Variants in PARG observed in about 807,000 individuals in gnomAD.
PARG encodes mitochondrial poly(ADP-ribose) glycohydrolase.
Under a neutral mutation model 113.0 loss-of-function variants are expected in PARG, and 35 were observed. The observed-to-expected ratio is 0.31, with a 90% CI of 0.24 to 0.41. The LOEUF (loss-of-function observed/expected upper bound fraction) is 0.41, where lower values mean the gene tolerates loss of function less well. Among genes scored for constraint, PARG ranks in the 10% least tolerant of loss-of-function variants. PARG has a pLI of 1.00. For synonymous variants in PARG, 330 were observed against 409.9 expected (o/e 0.81, Z 2.36); for missense variants, 797 against 1,169.4 (o/e 0.68, Z 4.64).
intron 7 of PARG, among the ~76,000 whole-genome samples, chr10:49,901,179 T>C (rs1407708410): frequency 1.3e-5 from 2 of 151,064 alleles, no homozygotes; most frequent in Non-Finnish European, 3.0e-5. Context: ...GGTGTGATCA[T>C]AGCTCACTGC....
At chr10:49,881,815 T>C (rs1165958699) in intron 8 of PARG, among the ~76,000 whole-genome samples, 13 of 152,194 alleles carry the variant, frequency 8.5e-5, no homozygotes, top group Non-Finnish European at 1.8e-4. Context: ...TTCACTATGT[T>C]ATACAAAATT....
intron 1 of PARG, among the ~76,000 whole-genome samples, chr10:49,939,270 A>C (rs1838897823): frequency 2.6e-5 from 4 of 152,202 alleles, no homozygotes; most frequent in Admixed American, 2.6e-4. Flanking sequence ...CACATCGCTT[A>C]CTAGACAACT....
chr10:49,934,973 A>C, intron 2 of PARG, 103 bp downstream of exon 2: 2 of 645,388 alleles, frequency 3.1e-6, no homozygotes, highest in Non-Finnish European at 5.6e-6. Flanking sequence ...AACATAGATA[A>C]AGGAGAACAG....
chr10:49,877,399 C>T (rs1196722634), intron 9 of PARG, among the ~76,000 whole-genome samples: 4 of 151,818 alleles, frequency 2.6e-5, no homozygotes, highest in African/African-American at 7.3e-5. Flanking sequence ...AGAAATGCTG[C>T]CCACATAAAG....
At chr10:49,929,618 G>T (rs1554909460) in intron 4 of PARG, among the ~76,000 whole-genome samples, 1 of 152,120 alleles carries the variant, frequency 6.6e-6, no homozygotes, top group South Asian at 2.1e-4. Flanking sequence ...ACCTGAGGTC[G>T]GGAGTTTGAG....
rs572935355 is a variant in PARG at position 49,918,830 on chromosome 10, C to CAA, written c.1663-2841_1663-2840dup. On this transcript the variant is annotated intron_variant, in intron 6 of 17. Transcript: ENST00000616448. ...TATTGAATCTACCATAAGGGAAACG[C>CAA]AAAAAGGAAATTCAGATTAAAGCAA... 4.0e-3 allele frequency among the ~76,000 whole-genome samples: 614 copies of CAA among 152,068 alleles called. 6 individuals are homozygous for CAA. Among genetic ancestry groups the CAA allele is most frequent in the African/African-American group, 0.014 (593 of 41,486 alleles).
intron 12 of PARG, 144 bp from the exon 13 acceptor site, chr10:49,857,597 T>A: frequency 1.7e-6 from 1 of 589,722 alleles, no homozygotes; most frequent in African/African-American, 1.9e-5. Context: ...AAGGGCAGAT[T>A]TTGGTTGCTT....
At chr10:49,856,826 A>G (rs1365278971) in intron 13 of PARG, among the ~76,000 whole-genome samples, 1 of 151,866 alleles carries the variant, frequency 6.6e-6, no homozygotes, top group Non-Finnish European at 1.5e-5. Context: ...CCTGACCAAT[A>G]TGGAGAAACC....
intron 4 of PARG, among the ~76,000 whole-genome samples, chr10:49,926,966 C>A (rs1208303909): frequency 6.6e-6 from 1 of 152,114 alleles, no homozygotes; most frequent in African/African-American, 2.4e-5. Context: ...GGCTTTACTG[C>A]ACTGGGTGAG....
At chr10:49,838,858 C>G (rs1845082556) in intron 15 of PARG, among the ~76,000 whole-genome samples, 1 of 152,100 alleles carries the variant, frequency 6.6e-6, no homozygotes, top group Admixed American at 6.5e-5. Context: ...AAAATTAACC[C>G]ATCTGCTTCA....
In PARG at chr10:49,923,327, T is replaced by C. The variant is rs535108907; in HGVS notation, c.1456-658A>G. Among the ~76,000 whole-genome samples the C allele has an allele frequency of 5.9e-5, 9 of 152,268 alleles. 1 individual carries two copies. In the South Asian group the frequency reaches 1.0e-3, roughly 18 times the overall value. ...TTTATCTTGTTTTGTTAGATTATTA[T>C]CATGCTAGAGCACACTTGTCTTCCT... On this transcript the variant is annotated intron_variant, in intron 4 of 17. Transcript: ENST00000616448.
intron 15 of PARG, among the ~76,000 whole-genome samples, chr10:49,839,656 G>C (rs907458396): frequency 1.1e-4 from 16 of 152,192 alleles, no homozygotes; most frequent in African/African-American, 3.6e-4. Context: ...AGAATCAACT[G>C]GACCTGGCAA....
At chr10:49,927,244 T>C (rs1240943168) in intron 4 of PARG, among the ~76,000 whole-genome samples, 1 of 151,008 alleles carries the variant, frequency 6.6e-6, no homozygotes, top group Non-Finnish European at 1.5e-5. Context: ...GAGGCAGAGG[T>C]TGCAGTGAGC....
chr10:49,926,039 AT>A (rs1162598055), intron 4 of PARG, among the ~76,000 whole-genome samples: 2 of 152,176 alleles, frequency 1.3e-5, no homozygotes, highest in Non-Finnish European at 2.9e-5. Flanking sequence ...TAAACATTTG[AT>A]TTTTTTAGAT....
At chr10:49,932,516 T>C (rs1320149973) in intron 3 of PARG, among the ~76,000 whole-genome samples, 3 of 152,122 alleles carry the variant, frequency 2.0e-5, no homozygotes, top group Non-Finnish European at 4.4e-5. Context: ...TAAATCACCT[T>C]CTCAAAACAG....
chr10:49,932,159 G>A lies in PARG; in HGVS notation c.1396C>T (p.Arg466Trp), dbSNP rs1554909986. Residue 466 changes from arginine to tryptophan, a missense_variant, in exon 4 of 18, where the codon CGG (arginine) becomes TGG (tryptophan). Physicochemically the swap from Arg to Trp is moderately radical, Grantham distance 101. This residue lies in a region of PARG where 252 missense variants were observed against 437.4 expected (regional missense o/e 0.58). Coordinates refer to ENST00000616448, the MANE Select transcript of PARG (RefSeq NM_003631.5). ...AAGAGAGGCAGCCGGATCCCACACC[G>A]AGGCATTCTTCTCATCTCCTCAATG... is the stretch of plus-strand genomic sequence containing the variant. ...TPIEEMRRMP[R>W]CGIRLPLLRP... The A allele has an allele frequency of 1.1e-5, 17 of 1,606,424 alleles. No homozygotes were observed. Among genetic ancestry groups the A allele is most frequent in the Admixed American group, 3.3e-5 (2 of 59,974 alleles).
intron 7 of PARG, among the ~76,000 whole-genome samples, chr10:49,894,028 C>T (rs1299908052): frequency 6.6e-6 from 1 of 151,392 alleles, no homozygotes; most frequent in Non-Finnish European, 1.5e-5. Context: ...GAGACCATTG[C>T]CATGTTGTCC....
chr10:49,853,135 G>C (rs1196888705), intron 13 of PARG, among the ~76,000 whole-genome samples: 1 of 147,890 alleles, frequency 6.8e-6, no homozygotes, highest in South Asian at 2.1e-4. Context: ...CTGGGTTCAC[G>C]CCATTCTCCT....
intron 9 of PARG, among the ~76,000 whole-genome samples, chr10:49,876,773 TTAATACAC>T (rs2132609014): frequency 6.6e-6 from 1 of 151,084 alleles, no homozygotes; most frequent in South Asian, 2.1e-4. Context: ...CTTATGGCAC[TTAATACAC>T]TGTGGGGAAT....
Sources: allele counts gnomAD v4.1 joint callset (sites outside exome capture counted in the v4.1 genomes callset), GRCh38; gene constraint gnomAD v4.1.1; regional missense constraint gnomAD v4.1.1; transcripts MANE v1.5; gene names NCBI Gene and HGNC (gene_info 2026-07-23, HGNC 2026-07-21).